CDK1: variants seen among roughly 807,000 people sequenced by gnomAD.
CDK1 encodes cyclin-dependent kinase 1.
Under a neutral mutation model 34.6 loss-of-function variants are expected in CDK1, and 5 were observed. The observed-to-expected ratio is 0.14, with a 90% confidence interval of 0.08 to 0.30. CDK1 has a LOEUF of 0.30. CDK1 is among the 10% of genes least tolerant of loss of function. The pLI, the probability that CDK1 is intolerant of heterozygous loss-of-function variation, is 1.00. For synonymous variants in CDK1, 108 were observed against 114.7 expected, an observed-to-expected ratio of 0.94 and a Z score of 0.37; for missense variants, 157 against 345.7, an observed-to-expected ratio of 0.45 and a Z score of 4.33.
intron 4 of CDK1, chr10:60,787,013 T>C (rs1044936474): frequency 2.0e-6 from 2 of 979,744 alleles, no homozygotes; most frequent in Non-Finnish European, 2.4e-6. Context: ...TTAAATTCTG[T>C]ATTAAGATTT....
intron 1 of CDK1, among the ~76,000 whole-genome samples, chr10:60,779,434 G>T (rs1477327428): frequency 6.6e-6 from 1 of 151,768 alleles, no homozygotes; most frequent in African/African-American, 2.4e-5. Context: ...CCGTTTTTCT[G>T]CTTAGTCCTT....
At position 60,788,299 on chromosome 10, in the gene CDK1, G is replaced by A. The variant is rs1186624238; in HGVS notation, c.489+69G>A. The A allele has an allele frequency of 6.5e-6, 7 of 1,084,602 alleles. No individual in the cohort carries two copies. In the East Asian group the frequency reaches 1.6e-4, roughly 25 times the overall value. The allele number at this position is 1,084,602 out of a possible 1,614,324, so 67.2% of individuals were successfully genotyped here. On this transcript the variant is annotated intron_variant, in intron 5 of 7. Coordinates refer to ENST00000395284, the MANE Select transcript of CDK1 (RefSeq NM_001786.5). ...TTGCTAGATTATTTTCTGTATTTGT[G>A]AAAGTCAAGAAATAACTCAATAAAA...
At chr10:60,785,634 A>G (rs1384792361) in intron 3 of CDK1, 30 bp from the exon 4 acceptor site, 237 of 1,193,194 alleles carry the variant, frequency 2.0e-4, no homozygotes, top group Non-Finnish European at 2.6e-4. Flanking sequence ...TGTTTGCTGG[A>G]TTCTTCTCTC....
intron 2 of CDK1, among the ~76,000 whole-genome samples, chr10:60,782,297 A>G (rs1025923952): frequency 5.9e-5 from 9 of 152,122 alleles, no homozygotes; most frequent in African/African-American, 2.2e-4. Context: ...TTTCATTGAC[A>G]TTAATTCTGA....
chr10:60,790,847 ATTTATTTCTGGATTCTCTAT>A (rs1850053759), intron 5 of CDK1, among the ~76,000 whole-genome samples: 1 of 151,982 alleles, frequency 6.6e-6, no homozygotes, highest in African/African-American at 2.4e-5. Flanking sequence ...AAATACATGG[ATTTATTTCTGGATTCTCTAT>A]TTTGTTCTGT....
At chr10:60,791,200 A>G (rs2080357438) in intron 5 of CDK1, among the ~76,000 whole-genome samples, 1 of 151,752 alleles carries the variant, frequency 6.6e-6, no homozygotes, top group Non-Finnish European at 1.5e-5. Flanking sequence ...TTTTTTCTTC[A>G]ATGTTTTATA....
At chr10:60,791,323 T>C (rs1172530116) in intron 5 of CDK1, among the ~76,000 whole-genome samples, 2 of 152,176 alleles carry the variant, frequency 1.3e-5, no homozygotes, top group Non-Finnish European at 2.9e-5. Flanking sequence ...GTTATTGGTG[T>C]ATAGAAACTA....
Position 60,791,886 on chromosome 10 carries a change from A to T in CDK1, c.490-4A>T. 6.3e-7 allele frequency: 1 copy of T among 1,579,442 alleles called. No individual in the cohort carries two copies. The highest frequency in any genetic ancestry group is 1.2e-5 in the South Asian group (1 of 84,906). The stretch of plus-strand genomic sequence containing the variant: ...ATTCATTGTAAAAATTTGCTTTTTA[A>T]TAGGTAGTAACACTCTGGTACAGAT... On this transcript the variant is annotated splice_region_variant and splice_polypyrimidine_tract_variant and intron_variant, in intron 5 of 7. Transcript: ENST00000395284.
Position 60,794,067 on chromosome 10 carries a change from T to C in CDK1, c.*92T>C, listed in dbSNP as rs936364472. ...CTATTTTTGTCTTATATATATTTCT[T>C]TGTTATCAAACTTCAGCTGTACTTC... On this transcript the variant is annotated 3_prime_UTR_variant, in exon 8 of 8. Coordinates refer to ENST00000395284, the MANE Select transcript of CDK1 (RefSeq NM_001786.5). 1.6e-6 allele frequency: 1 copy of C among 644,976 alleles called. No individual in the cohort carries two copies. The highest frequency in any genetic ancestry group is 1.9e-5 in the African/African-American group (1 of 51,612). 40.0% of individuals were successfully genotyped at this position (644,976 alleles called of 1,614,324 possible).
At chr10:60,781,622 C>T (rs1407030957) in intron 2 of CDK1, among the ~76,000 whole-genome samples, 1 of 152,196 alleles carries the variant, frequency 6.6e-6, no homozygotes, top group Non-Finnish European at 1.5e-5. Flanking sequence ...TCTTCACCAG[C>T]TCCATCTAAT....
upstream of CDK1, chr10:60,778,383 AGCGTAGCTGG>A (rs2080240738): frequency 6.6e-6 from 1 of 152,176 alleles, no homozygotes; most frequent in Admixed American, 6.5e-5. Context: ...AGGCCTGCCC[AGCGTAGCTGG>A]GCTCTGATTG....
intron 5 of CDK1, among the ~76,000 whole-genome samples, chr10:60,791,480 A>T (rs1432613478): frequency 6.6e-6 from 1 of 152,062 alleles, no homozygotes; most frequent in African/African-American, 2.4e-5. Context: ...GGCAATTTGG[A>T]TGCCCTTTAT....
intron 2 of CDK1, among the ~76,000 whole-genome samples, chr10:60,781,237 TTTTC>T (rs1277313584): frequency 6.6e-6 from 1 of 152,112 alleles, no homozygotes; most frequent in African/African-American, 2.4e-5. Context: ...ATAAATATAT[TTTTC>T]TTTAAGATGA....
chr10:60,787,277 T>TA (rs1480984504), intron 4 of CDK1, among the ~76,000 whole-genome samples: 1 of 152,114 alleles, frequency 6.6e-6, no homozygotes, highest in Non-Finnish European at 1.5e-5. Flanking sequence ...TATGCTAATG[T>TA]AAGTGTTTTG....
intron 4 of CDK1, chr10:60,786,162 A>G (rs1484232094): frequency 1.1e-6 from 1 of 901,348 alleles, no homozygotes; most frequent in Non-Finnish European, 1.3e-6. Flanking sequence ...TATTGTAGAC[A>G]TTTATTATAT....
Position 60,784,610 on chromosome 10 carries a change from A to G in CDK1, c.38-95A>G, listed in dbSNP as rs2080299883. 4.7e-6 allele frequency: 5 copies of G among 1,074,328 alleles called. No individual in the cohort carries two copies. The South Asian group carries it at 8.1e-5, about 17-fold the overall frequency. 66.5% of individuals were successfully genotyped at this position (1,074,328 alleles called of 1,614,324 possible). On this transcript the variant is annotated intron_variant, in intron 2 of 7. Transcript: ENST00000395284. The stretch of plus-strand genomic sequence containing the variant: ...GACCCACTGCACTCCAACCTGGACA[A>G]GAAAACAAGACCCTGCCATAAGGAA...
intron 3 of CDK1, among the ~76,000 whole-genome samples, 190 bp downstream of exon 3, chr10:60,785,051 T>G (rs1056611646): frequency 6.6e-6 from 1 of 152,128 alleles, no homozygotes; most frequent in African/African-American, 2.4e-5. Context: ...GGAACAGAGT[T>G]GGAGGAGCTG....
chr10:60,792,919 A>T (rs1393457632), intron 7 of CDK1, among the ~76,000 whole-genome samples: 1 of 152,124 alleles, frequency 6.6e-6, no homozygotes, highest in African/African-American at 2.4e-5. Flanking sequence ...TCTGTGCATC[A>T]TAACTTGTTT....
At chr10:60,788,567 TTTATA>T (rs1273376414) in intron 5 of CDK1, among the ~76,000 whole-genome samples, 3 of 152,138 alleles carry the variant, frequency 2.0e-5, no homozygotes, top group African/African-American at 7.2e-5. Flanking sequence ...ACTTTAATTC[TTTATA>T]TTAAACTCTC....
Sources: gnomAD v4.1 joint callset for allele counts (sites outside exome capture counted in the v4.1 genomes callset) on GRCh38, gnomAD v4.1.1 for gene constraint, MANE v1.5 for transcripts, NCBI Gene and HGNC (gene_info 2026-07-23, HGNC 2026-07-21) for gene names.